The following HMBOX1 variants were observed in gnomAD, a reference collection of about 807,000 sequenced individuals.
HMBOX1 encodes the protein homeobox-containing protein 1.
Under a neutral mutation model 54.5 loss-of-function variants are expected in HMBOX1, and 14 were observed. The observed-to-expected ratio is 0.26, with a 90% CI of 0.17 to 0.40. The LOEUF is 0.40. HMBOX1 is among the 10% of genes least tolerant of loss of function. The probability of loss-of-function intolerance (pLI) is 1.00; values close to 1 mark genes in which losing one functional copy is unlikely to be tolerated. For synonymous variants in HMBOX1, 160 were observed against 181.0 expected (o/e 0.88, Z 0.93); for missense variants, 332 against 514.4 (o/e 0.65, Z 3.43).
At chr8:28,967,986 T>A (rs552133091) in intron 2 of HMBOX1, among the ~76,000 whole-genome samples, 1 of 152,200 alleles carries the variant, frequency 6.6e-6, no homozygotes, top group Non-Finnish European at 1.5e-5. Context: ...CCAGGAAGAT[T>A]TCATCTACAG....
chr8:28,945,916 A>G (rs959398400), intron 1 of HMBOX1, among the ~76,000 whole-genome samples: 2 of 151,548 alleles, frequency 1.3e-5, no homozygotes, highest in African/African-American at 4.8e-5. Flanking sequence ...ACAGTTGTGT[A>G]ACCATCATCA....
chr8:28,930,729 A>G (rs367565774), intron 1 of HMBOX1, among the ~76,000 whole-genome samples: 33 of 151,966 alleles, frequency 2.2e-4, no homozygotes, highest in African/African-American at 7.7e-4. Context: ...CTTTCCTCCT[A>G]TATCCTTTTT....
chr8:28,902,439 G>A (rs773032114), intron 1 of HMBOX1, among the ~76,000 whole-genome samples: 9 of 152,166 alleles, frequency 5.9e-5, no homozygotes, highest in African/African-American at 9.7e-5. Context: ...GTTTGGTTTT[G>A]ATAGGATCAG....
intron 8 of HMBOX1, among the ~76,000 whole-genome samples, chr8:29,047,868 T>C (rs999605198): frequency 6.6e-6 from 1 of 152,138 alleles, no homozygotes; most frequent in Non-Finnish European, 1.5e-5. Flanking sequence ...TGCCGGATCC[T>C]AACTTCTAAG....
chr8:28,966,736 C>T (rs1006098217), intron 2 of HMBOX1, among the ~76,000 whole-genome samples: 1 of 152,166 alleles, frequency 6.6e-6, no homozygotes, highest in Non-Finnish European at 1.5e-5. Context: ...TCTTCAGTGT[C>T]ACATGCATGC....
rs1249431631 is a variant in HMBOX1 at position 28,913,221 on chromosome 8, C to T, written c.-58+22543C>T. Among the ~76,000 whole-genome samples, 4 of 152,186 alleles carry T rather than the reference C, an allele frequency of 2.6e-5. No homozygotes were observed. The East Asian group carries it at 7.7e-4, about 29-fold the overall frequency. On this transcript the variant is annotated intron_variant, in intron 1 of 9. Coordinates refer to ENST00000287701, the MANE Select transcript of HMBOX1 (RefSeq NM_001135726.3). ...AATGTTATCCTTAAGTCTTTTTAAA[C>T]CCTTGCCCTTAGGGTAAAGTCCAAA...
At chr8:29,008,192 C>CT (rs1833740749) in intron 4 of HMBOX1, among the ~76,000 whole-genome samples, 1 of 152,162 alleles carries the variant, frequency 6.6e-6, no homozygotes, top group Non-Finnish European at 1.5e-5. Context: ...ACAGTTTTGT[C>CT]TTTCCTGTTG....
chr8:28,994,959 A>G (rs1283933572), intron 4 of HMBOX1, among the ~76,000 whole-genome samples: 1 of 152,300 alleles, frequency 6.6e-6, no homozygotes, highest in Non-Finnish European at 1.5e-5. Flanking sequence ...GAGGGATACT[A>G]CTGGTCCACT....
At chr8:29,006,957 A>G (rs573723359) in intron 4 of HMBOX1, among the ~76,000 whole-genome samples, 4 of 152,314 alleles carry the variant, frequency 2.6e-5, no homozygotes, top group African/African-American at 9.6e-5. Context: ...ATGAAAATCA[A>G]TGTTGATTTC....
intron 1 of HMBOX1, among the ~76,000 whole-genome samples, chr8:28,960,784 T>TG (rs1825425583): frequency 1.4e-5 from 1 of 72,292 alleles, no homozygotes; most frequent in Admixed American, 1.3e-4. Context: ...TTTTTTTTTT[T>TG]TTTTTTTTTT....
At position 29,021,868 on chromosome 8, in the gene HMBOX1, A is replaced by AG. The variant is rs1373451676; in HGVS notation, c.851+2955_851+2956insG. Among the ~76,000 whole-genome samples the AG allele has an allele frequency of 2.6e-5, 4 of 151,902 alleles. No individual in the cohort carries two copies. The East Asian group carries it at 7.7e-4, about 29-fold the overall frequency. On this transcript the variant is annotated intron_variant, in intron 6 of 9. Transcript: ENST00000287701. ...GAGCGAGACTCCGTCTCAAAAAAAA[A>AG]AAAAAAAATGCTCAATCTAATTGAT... is the stretch of plus-strand genomic sequence containing the variant.
intron 1 of HMBOX1, among the ~76,000 whole-genome samples, chr8:28,936,779 G>T: frequency 6.8e-6 from 1 of 147,906 alleles, no homozygotes; most frequent in African/African-American, 2.5e-5. Context: ...TTTCCATCAA[G>T]GGCCACTGAA....
chr8:28,915,589 T>G (rs1346643561), intron 1 of HMBOX1: 17 of 146,926 alleles, frequency 1.2e-4, no homozygotes, highest in African/African-American at 3.8e-4. Context: ...AGAGACAGAG[T>G]CCTGCTCTGT....
chr8:29,005,012 A>G (rs184657256), intron 4 of HMBOX1, among the ~76,000 whole-genome samples: 7 of 152,224 alleles, frequency 4.6e-5, no homozygotes, highest in Admixed American at 1.3e-4. Flanking sequence ...TGCTTTACTT[A>G]TTTTCTACAT....
chr8:29,049,284 C>A (rs1332840307), intron 9 of HMBOX1: 4 of 1,535,194 alleles, frequency 2.6e-6, no homozygotes, highest in South Asian at 1.2e-5. Flanking sequence ...TATTGTCATA[C>A]AACAGGATAC....
chr8:28,938,631 A>G (rs562819036), intron 1 of HMBOX1, among the ~76,000 whole-genome samples: 2 of 149,236 alleles, frequency 1.3e-5, no homozygotes, highest in South Asian at 2.1e-4. Context: ...TTTTTTTGGT[A>G]GAGACAGGGT....
chr8:28,929,519 A>T (rs944802175), intron 1 of HMBOX1, among the ~76,000 whole-genome samples: 2 of 152,170 alleles, frequency 1.3e-5, no homozygotes, highest in Admixed American at 1.3e-4. Flanking sequence ...TTTGAATTGG[A>T]TATGGGGAAG....
At chr8:28,901,692 A>T (rs1383701478) in intron 1 of HMBOX1, among the ~76,000 whole-genome samples, 1 of 152,136 alleles carries the variant, frequency 6.6e-6, no homozygotes, top group African/African-American at 2.4e-5. Flanking sequence ...CCTTAGTTCA[A>T]ATTGTGCCAT....
In HMBOX1 at chr8:29,019,436, C is replaced by T. The variant is rs142026496; in HGVS notation, c.851+523C>T. 3.4e-3 allele frequency among the ~76,000 whole-genome samples: 512 copies of T among 151,896 alleles called. 3 individuals are homozygous for T. The highest frequency in any genetic ancestry group is 0.012 in the African/African-American group (486 of 41,446). On this transcript the variant is annotated intron_variant, in intron 6 of 9. Transcript: ENST00000287701. ...GTTTTTTTTTTAACCTGAATTTGACCGTAGCTTCAATTTTCCTATCTGAAA... is the reference window on the plus strand; with the variant it reads ...GTTTTTTTTTTAACCTGAATTTGACTGTAGCTTCAATTTTCCTATCTGAAA...
Sources: allele counts gnomAD v4.1 joint callset (sites outside exome capture counted in the v4.1 genomes callset), GRCh38; gene constraint gnomAD v4.1.1; transcripts MANE v1.5; gene names NCBI Gene and HGNC (gene_info 2026-07-23, HGNC 2026-07-21).